The following GPC5 variants were observed in gnomAD, a reference collection of about 807,000 sequenced individuals.
GPC5 encodes the protein glypican 5.
In GPC5, 47 loss-of-function variants were observed where a neutral mutation model predicts 53.9. The observed-to-expected ratio is 0.87, with a 90% CI of 0.69 to 1.11. The LOEUF (loss-of-function observed/expected upper bound fraction) is 1.11, where lower values mean the gene tolerates loss of function less well. Ranked by LOEUF, GPC5 falls within the 50% of genes most tolerant of loss-of-function variation. GPC5 has a pLI of 0.00. For missense variants in GPC5, 748 were observed against 713.1 expected, an observed-to-expected ratio of 1.05 and a Z score of -0.56; for synonymous variants, 286 against 263.3, an observed-to-expected ratio of 1.09 and a Z score of -0.84.
At chr13:92,813,519 T>G (rs972514145) in intron 7 of GPC5, among the ~76,000 whole-genome samples, 1 of 152,138 alleles carries the variant, frequency 6.6e-6, no homozygotes, top group South Asian at 2.1e-4. Context: ...TTTATGCAAA[T>G]ACATGTGTTA....
At chr13:92,397,559 G>A (rs917074934) in intron 7 of GPC5, among the ~76,000 whole-genome samples, 1 of 152,194 alleles carries the variant, frequency 6.6e-6, no homozygotes, top group Non-Finnish European at 1.5e-5. Flanking sequence ...GATTTCCGCA[G>A]CTTCTGCTCC....
intron 5 of GPC5, among the ~76,000 whole-genome samples, chr13:91,844,858 T>A (rs2038830585): frequency 6.6e-6 from 1 of 152,140 alleles, no homozygotes; most frequent in Admixed American, 6.5e-5. Flanking sequence ...CCTGAGTAGC[T>A]GGGATTACAG....
intron 7 of GPC5, among the ~76,000 whole-genome samples, chr13:92,517,987 C>G (rs1880864019): frequency 1.3e-5 from 2 of 152,078 alleles, no homozygotes; most frequent in Non-Finnish European, 2.9e-5. Flanking sequence ...CTTAAATGAC[C>G]TGATGGAGCT....
intron 7 of GPC5, among the ~76,000 whole-genome samples, chr13:92,539,863 A>AC (rs1881875442): frequency 1.3e-5 from 2 of 151,934 alleles, no homozygotes; most frequent in Admixed American, 6.6e-5. Context: ...ATTCTTTGCC[A>AC]CCCCCCAGTT....
rs555376872 is a variant in GPC5, at chr13:92,079,706, C to T, written c.1402-65124C>T. On this transcript the variant is annotated intron_variant, in intron 6 of 7. Coordinates refer to ENST00000377067, the MANE Select transcript of GPC5 (RefSeq NM_004466.6). ...TGCTGTTATCTTCCTCAGTCTTTTC[C>T]AGGTTAGACCGCAGTGTATAACATT... 7.9e-5 allele frequency among the ~76,000 whole-genome samples: 12 copies of T among 152,308 alleles called. No homozygotes were observed. The South Asian group carries it at 2.5e-3, about 32-fold the overall frequency.
chr13:92,217,911 C>CTT (rs61595116), intron 7 of GPC5, among the ~76,000 whole-genome samples: 4,720 of 85,178 alleles, frequency 0.055, 394 homozygotes, highest in Middle Eastern at 0.069. Context: ...ATTATTTCTA[C>CTT]TTTTTTTTTT....
chr13:92,798,393 T>C (rs12431343), intron 7 of GPC5, among the ~76,000 whole-genome samples: 8,608 of 151,948 alleles, frequency 0.057, 566 homozygotes, highest in East Asian at 0.34. Context: ...AATGCTTTTT[T>C]CTGTTTCCAA....
chr13:91,685,108 G>A (rs1049052405), intron 2 of GPC5, among the ~76,000 whole-genome samples: 2 of 151,922 alleles, frequency 1.3e-5, no homozygotes, highest in African/African-American at 4.8e-5. Flanking sequence ...GGGCAACGTA[G>A]AGACACTGTC....
At chr13:92,693,395 T>A (rs1291323371) in intron 7 of GPC5, among the ~76,000 whole-genome samples, 1 of 152,138 alleles carries the variant, frequency 6.6e-6, no homozygotes, top group Non-Finnish European at 1.5e-5. Context: ...GTTGGATGGT[T>A]TTGACTAACA....
At chr13:92,598,394 T>C (rs942016541) in intron 7 of GPC5, among the ~76,000 whole-genome samples, 1 of 152,256 alleles carries the variant, frequency 6.6e-6, no homozygotes, top group Admixed American at 6.5e-5. Flanking sequence ...TCAAATTTTT[T>C]TTTTTACGTT....
At chr13:91,487,290 A>G (rs647716) in intron 2 of GPC5, among the ~76,000 whole-genome samples, 66,619 of 151,950 alleles carry the variant, frequency 0.44, 15,550 homozygotes, top group Non-Finnish European at 0.52. Context: ...TCTTTTGAGG[A>G]GTAATAGATG....
chr13:92,063,529 C>T (rs1312929793), intron 6 of GPC5, among the ~76,000 whole-genome samples: 4 of 152,002 alleles, frequency 2.6e-5, no homozygotes, highest in Non-Finnish European at 4.4e-5. Context: ...GTATTATCTA[C>T]TCCTACCATG....
At chr13:91,551,909 T>C (rs1186263442) in intron 2 of GPC5, among the ~76,000 whole-genome samples, 1 of 152,034 alleles carries the variant, frequency 6.6e-6, no homozygotes, top group Non-Finnish European at 1.5e-5. Context: ...TAGTTTAAAT[T>C]TTAATACTGG....
intron 5 of GPC5, among the ~76,000 whole-genome samples, chr13:91,784,932 C>G (rs927217706): frequency 2.0e-5 from 3 of 152,172 alleles, no homozygotes; most frequent in African/African-American, 7.2e-5. Context: ...TTTAATGTCA[C>G]CAGTGACCTC....
intron 6 of GPC5, among the ~76,000 whole-genome samples, chr13:91,964,298 G>A (rs1055846013): frequency 3.3e-5 from 5 of 152,168 alleles, no homozygotes; most frequent in Admixed American, 6.5e-5. Flanking sequence ...GACCCCAGCA[G>A]GTTGCTGGTG....
intron 6 of GPC5, among the ~76,000 whole-genome samples, chr13:92,000,655 G>A (rs560009837): frequency 1.7e-4 from 26 of 152,180 alleles, no homozygotes; most frequent in African/African-American, 6.0e-4. Context: ...TGCCCTGCTG[G>A]ATGGCCAGAA....
In GPC5 at chr13:92,592,997, C is replaced by T. The variant is rs531147655; in HGVS notation, c.1562-273285C>T. On this transcript the variant is annotated intron_variant, in intron 7 of 7. Transcript: ENST00000377067. ...GCGATGTGCAGTTAAGACATCCCCT[C>T]ATGTTGGCTGGGGAATAGATCCCTG... Among the ~76,000 whole-genome samples, 129 of 151,254 alleles carry T rather than the reference C, an allele frequency of 8.5e-4. 6 individuals carry two copies. Among genetic ancestry groups the T allele is most frequent in the Middle Eastern group, 3.5e-3 (1 of 286 alleles).
chr13:91,665,262 T>G (rs1382799566), intron 2 of GPC5, among the ~76,000 whole-genome samples: 2 of 152,240 alleles, frequency 1.3e-5, no homozygotes, highest in Non-Finnish European at 2.9e-5. Context: ...ACTTCTCCAA[T>G]TAGGTCATTT....
At chr13:91,647,769 C>A (rs1344355056) in intron 2 of GPC5, among the ~76,000 whole-genome samples, 1 of 152,240 alleles carries the variant, frequency 6.6e-6, no homozygotes, top group Non-Finnish European at 1.5e-5. Context: ...GCTCTGCCAG[C>A]ATTTCCTGGC....
Sources: gnomAD v4.1 joint callset for allele counts (sites outside exome capture counted in the v4.1 genomes callset) on GRCh38, gnomAD v4.1.1 for gene constraint, MANE v1.5 for transcripts, NCBI Gene and HGNC (gene_info 2026-07-23, HGNC 2026-07-21) for gene names.